Variants in ANKRD36B observed in about 807,000 individuals in gnomAD.
ANKRD36B encodes the protein ankyrin repeat domain-containing protein 36B.
ANKRD36B carries 37 observed loss-of-function variants against 135.7 expected under a neutral mutation model. That is an observed-to-expected ratio of 0.27 (90% confidence interval 0.21 to 0.36). The LOEUF is 0.36. Ranked by LOEUF, ANKRD36B falls within the 10% of genes least tolerant of loss-of-function variation. The pLI is 1.00. For synonymous variants in ANKRD36B, 179 were observed against 348.1 expected, an observed-to-expected ratio of 0.51 and a Z score of 5.41; for missense variants, 549 against 1,037.1, an observed-to-expected ratio of 0.53 and a Z score of 6.46.
intron 43 of ANKRD36B, among the ~76,000 whole-genome samples, chr2:97,494,557 C>T (rs2104181698): frequency 9.3e-6 from 1 of 107,174 alleles, no homozygotes; most frequent in East Asian, 2.1e-4. Context: ...CCAAACACCT[C>T]CCACTAGGTC....
At chr2:97,565,524 A>G (rs2104823864) in intron 6 of ANKRD36B, among the ~76,000 whole-genome samples, 1 of 152,354 alleles carries the variant, frequency 6.6e-6, no homozygotes, top group Non-Finnish European at 1.5e-5. Flanking sequence ...AAACAATCTC[A>G]TCAAAAAGTG....
Position 97,547,393 on chromosome 2 carries a change from C to A in ANKRD36B, c.1579+143G>T, listed in dbSNP as rs1213107164. ...CCAGACCAGCAGCAACACTATCACC[C>A]ACGAACTTATTTGAAATGAAGAATC... On this transcript the variant is annotated intron_variant, in intron 22 of 43. Coordinates refer to ENST00000359901, the MANE Select transcript of ANKRD36B (RefSeq NM_001393939.1). 33 of 1,024,578 alleles carry A rather than the reference C, an allele frequency of 3.2e-5. No individual in the cohort carries two copies. In the Middle Eastern group the frequency reaches 1.3e-3, roughly 40 times the overall value. The allele number at this position is 1,024,578 out of a possible 1,614,324, so 63.5% of individuals were successfully genotyped here.
chr2:97,560,648 G>A lies in ANKRD36B; in HGVS notation c.865+17C>T, dbSNP rs369487924. On this transcript the variant is annotated intron_variant, in intron 8 of 43. Coordinates refer to ENST00000359901, the MANE Select transcript of ANKRD36B (RefSeq NM_001393939.1). ...ATCTTGATTGAACATGACATTAGAT[G>A]TGTTTTGCAAAATTACCTGTCCCAG... 2.4e-5 allele frequency: 39 copies of A among 1,600,844 alleles called. No homozygotes were observed. The highest frequency in any genetic ancestry group is 1.7e-4 in the Middle Eastern group (1 of 5,862).
rs2078084769 is a variant in ANKRD36B, at chr2:97,524,444, T to A, written c.2266-977A>T. 2 of 96,348 alleles carry A rather than the reference T, an allele frequency of 2.1e-5. 1 individual carries two copies. The highest frequency in any genetic ancestry group is 5.5e-5 in the Non-Finnish European group (2 of 36,256). The allele number at this position is 96,348 out of a possible 1,614,324, so 6.0% of individuals were successfully genotyped here. A position where few individuals can be genotyped will look rare whatever the true frequency, so the allele number is the denominator to read the frequency against. On this transcript the variant is annotated intron_variant, in intron 35 of 43. Transcript: ENST00000359901. ...GTTAAAAACATGTTCAGTATCTGGT[T>A]TGTTGTCATTTTCACAGTCTACTTT...
intron 8 of ANKRD36B, among the ~76,000 whole-genome samples, chr2:97,559,542 G>A (rs547745059): frequency 6.6e-6 from 1 of 151,944 alleles, no homozygotes; most frequent in South Asian, 2.1e-4. Flanking sequence ...AGATCTAGTA[G>A]ATAATATTCA....
intron 8 of ANKRD36B, among the ~76,000 whole-genome samples, chr2:97,559,930 T>C (rs545785956): frequency 1.3e-5 from 2 of 152,074 alleles, no homozygotes; most frequent in African/African-American, 4.8e-5. Flanking sequence ...AATGTATTCA[T>C]ATGCAAGTTT....
chr2:97,587,257 TC>T (rs2083075132), intron 1 of ANKRD36B, among the ~76,000 whole-genome samples: 1 of 152,208 alleles, frequency 6.6e-6, no homozygotes, highest in African/African-American at 2.4e-5. Flanking sequence ...TTTCTTCTTT[TC>T]CCAAGGATAA....
chr2:97,565,312 A>G (rs1413260377), intron 6 of ANKRD36B, among the ~76,000 whole-genome samples: 3 of 151,696 alleles, frequency 2.0e-5, no homozygotes, highest in Non-Finnish European at 2.9e-5. Context: ...GCAAACAGAG[A>G]CAATTTGACT....
intron 12 of ANKRD36B, 148 bp downstream of exon 12, chr2:97,556,789 C>A (rs536798647): frequency 1.6e-4 from 202 of 1,302,330 alleles, no homozygotes; most frequent in Non-Finnish European, 2.1e-4. Context: ...AGCATCAGCA[C>A]CACCTGACAA....
At chr2:97,579,648 T>C (rs1193936266) in intron 4 of ANKRD36B, among the ~76,000 whole-genome samples, 7 of 39,288 alleles carry the variant, frequency 1.8e-4, no homozygotes, top group East Asian at 1.6e-3. Context: ...TAATATATAG[T>C]ATATTATATA....
chr2:97,549,328 GC>G lies in ANKRD36B; in HGVS notation c.1477+90del, dbSNP rs2079808566. 30 of 1,420,896 alleles carry G rather than the reference GC, an allele frequency of 2.1e-5. 1 individual carries two copies. In the South Asian group the frequency reaches 2.8e-4, roughly 13 times the overall value. 88.0% of individuals were successfully genotyped at this position (1,420,896 alleles called of 1,614,324 possible). On this transcript the variant is annotated intron_variant, in intron 20 of 43. Transcript: ENST00000359901. ...CTGGCCTGCTGAATCAGAAAGTGCA[GC>G]TTCGACGAGCCCCCCGCTGATTTAT...
At chr2:97,587,018 T>C (rs1472564047) in intron 1 of ANKRD36B, among the ~76,000 whole-genome samples, 2 of 151,990 alleles carry the variant, frequency 1.3e-5, no homozygotes, top group Non-Finnish European at 1.5e-5. Context: ...TACTAAAATA[T>C]ACAAAAATTA....
At chr2:97,554,274 A>G (rs1211251952) in intron 14 of ANKRD36B, among the ~76,000 whole-genome samples, 4 of 152,000 alleles carry the variant, frequency 2.6e-5, no homozygotes, top group African/African-American at 9.7e-5. Flanking sequence ...AATATTCATT[A>G]AATAGCTATT....
At chr2:97,571,821 A>T (rs1357309410) in intron 6 of ANKRD36B, among the ~76,000 whole-genome samples, 5 of 152,212 alleles carry the variant, frequency 3.3e-5, no homozygotes, top group Admixed American at 6.5e-5. Context: ...AAATATCTAT[A>T]AAAACTAAAA....
chr2:97,559,877 G>A (rs3931133), intron 8 of ANKRD36B, among the ~76,000 whole-genome samples: 84,487 of 151,662 alleles, frequency 0.56, 25,153 homozygotes, highest in Non-Finnish European at 0.67. Context: ...GTTTCATTAA[G>A]TAGCTATTTT....
At chr2:97,553,860 C>A (rs190317287) in intron 14 of ANKRD36B, among the ~76,000 whole-genome samples, 1 of 151,970 alleles carries the variant, frequency 6.6e-6, no homozygotes, top group African/African-American at 2.4e-5. Context: ...TGAATGTACA[C>A]GTCATGTCTC....
intron 22 of ANKRD36B, among the ~76,000 whole-genome samples, chr2:97,546,839 T>A (rs534581380): frequency 1.3e-4 from 19 of 151,762 alleles, no homozygotes; most frequent in African/African-American, 4.3e-4. Flanking sequence ...TTTATAACTA[T>A]AATCAACAAA....
intron 33 of ANKRD36B, 35 bp from the exon 34 acceptor site, chr2:97,536,407 G>A: frequency 2.3e-6 from 2 of 884,298 alleles, no homozygotes; most frequent in Admixed American, 4.8e-5. Context: ...ATTAGCACAT[G>A]ATGTATATTG....
rs760011791 is a variant in ANKRD36B at position 97,589,692 on chromosome 2, G to A, written c.-7C>T. 1 of 1,614,136 alleles carries A rather than the reference G, an allele frequency of 6.2e-7. No individual in the cohort carries two copies. Among genetic ancestry groups the A allele is most frequent in the Non-Finnish European group, 8.5e-7 (1 of 1,180,010 alleles). On this transcript the variant is annotated 5_prime_UTR_variant, in exon 1 of 44. Coordinates refer to ENST00000359901, the MANE Select transcript of ANKRD36B (RefSeq NM_001393939.1). ...CCGAGCACAAGCGCTCCATGAGGGTGGGCCACCTCTCCCGCTCGTCGTCTT... is the reference window on the plus strand; with the variant it reads ...CCGAGCACAAGCGCTCCATGAGGGTAGGCCACCTCTCCCGCTCGTCGTCTT...
Sources: gnomAD v4.1 joint callset for allele counts (sites outside exome capture counted in the v4.1 genomes callset) on GRCh38, gnomAD v4.1.1 for gene constraint, MANE v1.5 for transcripts, NCBI Gene and HGNC (gene_info 2026-07-23, HGNC 2026-07-21) for gene names.